Variants in ENTREP2 observed in about 807,000 individuals in gnomAD.
The protein encoded by ENTREP2 is protein ENTREP2.
the ENTREP2 span, chr15:29,570,391 G>T: frequency 1.7e-6 from 1 of 575,262 alleles, no homozygotes; most frequent in Non-Finnish European, 2.5e-6. Flanking sequence ...ACTCGGCCCC[G>T]GCGTTGGCCG....
the ENTREP2 span, among the ~76,000 whole-genome samples, chr15:29,418,202 G>T: frequency 6.6e-6 from 1 of 152,096 alleles, no homozygotes; most frequent in Non-Finnish European, 1.5e-5. Context: ...CTTTTATCCA[G>T]CACCCCCTGC....
chr15:29,145,086 C>A, the ENTREP2 span, among the ~76,000 whole-genome samples: 1 of 152,050 alleles, frequency 6.6e-6, no homozygotes, highest in Non-Finnish European at 1.5e-5. Context: ...AATACAAATT[C>A]TTCATAACAA....
chr15:29,500,741 A>G, the ENTREP2 span, among the ~76,000 whole-genome samples: 2 of 152,136 alleles, frequency 1.3e-5, no homozygotes, highest in African/African-American at 4.8e-5. Flanking sequence ...AAACACATAC[A>G]AAAAAGAGAT....
chr15:29,274,876 T>G, the ENTREP2 span, among the ~76,000 whole-genome samples: 3 of 152,320 alleles, frequency 2.0e-5, no homozygotes, highest in South Asian at 6.2e-4. Context: ...CTTTTATATT[T>G]GGTTGAACAA....
chr15:29,388,790 A>C, the ENTREP2 span, among the ~76,000 whole-genome samples: 2 of 152,194 alleles, frequency 1.3e-5, no homozygotes, highest in African/African-American at 4.8e-5. Context: ...AGCCATAAAA[A>C]AGGATGAGTT....
At chr15:29,174,692 C>CAAAAAAA in the ENTREP2 span, among the ~76,000 whole-genome samples, 12 of 107,440 alleles carry the variant, frequency 1.1e-4, no homozygotes, top group African/African-American at 5.6e-4. Context: ...TCCAACTAAA[C>CAAAAAAA]AAAACAAAAC....
chr15:29,513,236 A>C, the ENTREP2 span, among the ~76,000 whole-genome samples: 1 of 152,152 alleles, frequency 6.6e-6, no homozygotes, highest in African/African-American at 2.4e-5. Flanking sequence ...TGAACTACCC[A>C]GCAGTAAAGG....
chr15:29,440,988 A>G, the ENTREP2 span, among the ~76,000 whole-genome samples: 1 of 152,226 alleles, frequency 6.6e-6, no homozygotes, highest in East Asian at 1.9e-4. Flanking sequence ...CCAAAAGAAC[A>G]AAAGAAGGGA....
the ENTREP2 span, chr15:29,122,071 C>T: frequency 1.3e-5 from 2 of 152,410 alleles, no homozygotes; most frequent in East Asian, 3.9e-4. Context: ...CTGGGGAGAC[C>T]TTGGCCTCTA....
the ENTREP2 span, among the ~76,000 whole-genome samples, chr15:29,325,632 C>T: frequency 6.6e-6 from 1 of 152,132 alleles, no homozygotes; most frequent in African/African-American, 2.4e-5. Context: ...AAGAAAGCAG[C>T]AGGCCCAGGT....
At chr15:29,371,947 G>A in the ENTREP2 span, among the ~76,000 whole-genome samples, 1 of 145,620 alleles carries the variant, frequency 6.9e-6, no homozygotes, top group African/African-American at 2.6e-5. Flanking sequence ...TAGATAGATA[G>A]ATAAAGAGAT....
At chr15:29,591,202 T>C in the ENTREP2 span, among the ~76,000 whole-genome samples, 1 of 152,212 alleles carries the variant, frequency 6.6e-6, no homozygotes, top group African/African-American at 2.4e-5. Context: ...AAATAATTAA[T>C]TTTCTTGAGA....
the ENTREP2 span, among the ~76,000 whole-genome samples, chr15:29,594,243 G>C: frequency 6.6e-6 from 1 of 152,082 alleles, no homozygotes; most frequent in African/African-American, 2.4e-5. Context: ...ATCACTCTTG[G>C]GACAAGCCAG....
At chr15:29,490,295 T>C in the ENTREP2 span, among the ~76,000 whole-genome samples, 6,166 of 152,264 alleles carry the variant, frequency 0.04, 397 homozygotes, top group African/African-American at 0.14. Flanking sequence ...AGAACTTCGC[T>C]GTGAGTATTA....
At chr15:29,188,829 G>A in the ENTREP2 span, among the ~76,000 whole-genome samples, 1,089 of 152,280 alleles carry the variant, frequency 7.2e-3, 15 homozygotes, top group African/African-American at 0.025. Flanking sequence ...GGCTGGAAAC[G>A]GAGTTAAAAA....
At chr15:29,395,003 T>TTA in the ENTREP2 span, among the ~76,000 whole-genome samples, 1 of 149,714 alleles carries the variant, frequency 6.7e-6, no homozygotes, top group South Asian at 2.2e-4. Flanking sequence ...TTCTCCTGCC[T>TTA]TAGCCTCCTG....
At chr15:29,261,248 C>T in the ENTREP2 span, among the ~76,000 whole-genome samples, 1 of 152,150 alleles carries the variant, frequency 6.6e-6, no homozygotes, top group Non-Finnish European at 1.5e-5. Flanking sequence ...CATGGTGGTG[C>T]TCGCCTGTAA....
At chr15:29,599,885 T>G in the ENTREP2 span, among the ~76,000 whole-genome samples, 1 of 152,232 alleles carries the variant, frequency 6.6e-6, no homozygotes. Flanking sequence ...AGCCCTGCCC[T>G]TTAGGCAAAG....
the ENTREP2 span, among the ~76,000 whole-genome samples, chr15:29,359,464 GCACAGTGGCATGATTTCAGCTCACTGC>G: frequency 6.6e-6 from 1 of 152,198 alleles, no homozygotes; most frequent in South Asian, 2.1e-4. Context: ...CCAGGCTGGA[GCACAGTGGCATGATTTCAGCTCACTGC>G]AAGCTCCGCC....
Sources: allele counts gnomAD v4.1 joint callset (sites outside exome capture counted in the v4.1 genomes callset), GRCh38; gene constraint gnomAD v4.1.1; transcripts MANE v1.5; gene names NCBI Gene and HGNC (gene_info 2026-07-23, HGNC 2026-07-21).